Variants in ERC2 observed in about 807,000 individuals in gnomAD.
ERC2 encodes ERC protein 2.
In ERC2, 42 loss-of-function variants were observed where a neutral mutation model predicts 114.8. The observed-to-expected ratio is 0.37, with a 90% CI of 0.29 to 0.47. ERC2 has a LOEUF of 0.47. Ranked by LOEUF, ERC2 falls within the 20% of genes least tolerant of loss-of-function variation. The pLI, the probability that ERC2 is intolerant of heterozygous loss-of-function variation, is 0.99. For missense variants in ERC2, 939 were observed against 1,150.7 expected, an observed-to-expected ratio of 0.82 and a Z score of 2.66; for synonymous variants, 454 against 425.5, an observed-to-expected ratio of 1.07 and a Z score of -0.82.
In ERC2 at chr3:56,070,459, A is replaced by T. The variant is rs530692846; in HGVS notation, c.1641+10358T>A. ...GGAATTTTGCAAGTAATTATAAACA[A>T]ACCTTTTTTAAAAAAAAAAAAATCC... On this transcript the variant is annotated intron_variant, in intron 7 of 17. Transcript: ENST00000288221. 6.2e-5 allele frequency among the ~76,000 whole-genome samples: 3 copies of T among 48,030 alleles called. No homozygotes were observed. In the South Asian group the frequency reaches 1.5e-3, roughly 24 times the overall value. The allele number at this position is 48,030 out of a possible 152,430, so 31.5% of individuals were successfully genotyped here. A position where few individuals can be genotyped will look rare whatever the true frequency, so the allele number is the denominator to read the frequency against.
chr3:56,429,638 C>G (rs1169652986), intron 2 of ERC2, among the ~76,000 whole-genome samples: 2 of 152,188 alleles, frequency 1.3e-5, no homozygotes, highest in Non-Finnish European at 2.9e-5. Flanking sequence ...TTCAGTGCTG[C>G]AACTCTTAGT....
chr3:55,576,214 C>G (rs192840788), intron 17 of ERC2, among the ~76,000 whole-genome samples: 75 of 151,368 alleles, frequency 5.0e-4, no homozygotes, highest in African/African-American at 1.8e-3. Context: ...GAGGCTGAGG[C>G]AGGAGAATCA....
In ERC2 at chr3:55,517,771, T is replaced by C. The variant is rs538659154; in HGVS notation, c.*40-6495A>G. The stretch of plus-strand genomic sequence containing the variant: ...AGCCCCAGCACCACCCTAGTCTACA[T>C]TTTGGGCTTTTGTCTTCTCAAGGGC... On this transcript the variant is annotated intron_variant, in intron 17 of 17. Transcript: ENST00000288221. Among the ~76,000 whole-genome samples the C allele has an allele frequency of 2.0e-5, 3 of 152,290 alleles. No individual in the cohort carries two copies. In the East Asian group the frequency reaches 5.8e-4, roughly 29 times the overall value.
chr3:56,076,108 C>T (rs574444622), intron 7 of ERC2, among the ~76,000 whole-genome samples: 21 of 152,228 alleles, frequency 1.4e-4, no homozygotes, highest in African/African-American at 5.1e-4. Context: ...TTTTCCAACC[C>T]ACAGGGCAAT....
At chr3:56,422,084 G>C (rs2061410318) in intron 2 of ERC2, among the ~76,000 whole-genome samples, 1 of 152,162 alleles carries the variant, frequency 6.6e-6, no homozygotes, top group Non-Finnish European at 1.5e-5. Context: ...TCACCCCAGT[G>C]AGGTCAGAAA....
chr3:55,550,599 G>T (rs1258933483), intron 17 of ERC2, among the ~76,000 whole-genome samples: 1 of 152,188 alleles, frequency 6.6e-6, no homozygotes, highest in East Asian at 1.9e-4. Context: ...TGTTGCAGGG[G>T]ATGGGGAGAA....
intron 6 of ERC2, among the ~76,000 whole-genome samples, chr3:56,137,093 G>C (rs2080553824): frequency 6.6e-6 from 1 of 152,176 alleles, no homozygotes; most frequent in Non-Finnish European, 1.5e-5. Flanking sequence ...AATACAGGGA[G>C]GGGAATGAGA....
intron 6 of ERC2, among the ~76,000 whole-genome samples, chr3:56,131,795 TAAC>T (rs2080216041): frequency 6.6e-6 from 1 of 152,326 alleles, no homozygotes; most frequent in Admixed American, 6.5e-5. Context: ...TGACCACAGT[TAAC>T]AATAATTTAT....
intron 2 of ERC2, among the ~76,000 whole-genome samples, chr3:56,377,846 T>C (rs2059601695): frequency 6.7e-6 from 1 of 148,562 alleles, no homozygotes; most frequent in East Asian, 1.9e-4. Context: ...AGAGAAACCC[T>C]ATCTCCAAAA....
At chr3:55,712,698 G>A (rs975521534) in intron 15 of ERC2, among the ~76,000 whole-genome samples, 2 of 152,110 alleles carry the variant, frequency 1.3e-5, no homozygotes, top group African/African-American at 2.4e-5. Context: ...GCTTAAATAG[G>A]ATGCTCCCTG....
chr3:55,860,466 C>T (rs1209209723), intron 14 of ERC2, among the ~76,000 whole-genome samples: 4 of 151,896 alleles, frequency 2.6e-5, no homozygotes, highest in Non-Finnish European at 5.9e-5. Context: ...TAGAGTAGGC[C>T]ATTCTCCTTG....
intron 6 of ERC2, among the ~76,000 whole-genome samples, chr3:56,129,380 T>G (rs2080070699): frequency 6.6e-6 from 1 of 152,174 alleles, no homozygotes; most frequent in Non-Finnish European, 1.5e-5. Flanking sequence ...AATCACAATG[T>G]AAACTGGTTA....
intron 17 of ERC2, among the ~76,000 whole-genome samples, chr3:55,631,248 G>A (rs1251524869): frequency 8.5e-5 from 13 of 152,062 alleles, no homozygotes; most frequent in Non-Finnish European, 1.8e-4. Flanking sequence ...TCTGGTGCTT[G>A]TACCAGGGAC....
At chr3:55,693,298 C>A (rs1486116781) in intron 16 of ERC2, among the ~76,000 whole-genome samples, 4 of 152,172 alleles carry the variant, frequency 2.6e-5, no homozygotes, top group African/African-American at 9.7e-5. Context: ...TCTGAAAGTA[C>A]CCCTAGCACC....
chr3:55,880,303 T>G (rs2063057125), intron 14 of ERC2, among the ~76,000 whole-genome samples: 1 of 152,272 alleles, frequency 6.6e-6, no homozygotes, highest in African/African-American at 2.4e-5. Flanking sequence ...CATTTGAAGC[T>G]AACTAGAACA....
At chr3:56,063,078 T>G (rs2076315290) in intron 7 of ERC2, among the ~76,000 whole-genome samples, 1 of 152,224 alleles carries the variant, frequency 6.6e-6, no homozygotes, top group Non-Finnish European at 1.5e-5. Context: ...TGGATGAGTT[T>G]CAATGCATTA....
intron 2 of ERC2, among the ~76,000 whole-genome samples, chr3:56,370,546 A>ATTTG (rs751109162): frequency 1.8e-4 from 24 of 131,126 alleles, no homozygotes; most frequent in South Asian, 7.1e-4. Context: ...TGTGTTCCTG[A>ATTTG]TTTGTTTGTT....
At chr3:55,590,397 TG>T (rs2057814949) in intron 17 of ERC2, among the ~76,000 whole-genome samples, 1 of 152,224 alleles carries the variant, frequency 6.6e-6, no homozygotes, top group African/African-American at 2.4e-5. Flanking sequence ...GTTGTCCTTC[TG>T]GGAATTGATT....
At chr3:55,575,156 A>G (rs2056910768) in intron 17 of ERC2, among the ~76,000 whole-genome samples, 1 of 152,212 alleles carries the variant, frequency 6.6e-6, no homozygotes, top group Non-Finnish European at 1.5e-5. Context: ...CTGGGATTAC[A>G]GGCATGCGCC....
Sources: gnomAD v4.1 joint callset for allele counts (sites outside exome capture counted in the v4.1 genomes callset) on GRCh38, gnomAD v4.1.1 for gene constraint, MANE v1.5 for transcripts, NCBI Gene and HGNC (gene_info 2026-07-23, HGNC 2026-07-21) for gene names.